Variants in SH3GLB2 observed in about 807,000 individuals in gnomAD.
SH3GLB2 encodes SH3 domain containing GRB2 like, endophilin B2.
SH3GLB2 carries 24 observed loss-of-function variants against 48.0 expected under a neutral mutation model. The observed-to-expected ratio is 0.50, with a 90% CI of 0.36 to 0.70. The LOEUF (loss-of-function observed/expected upper bound fraction) is 0.70. Among genes scored for constraint, SH3GLB2 ranks in the 30% least tolerant of loss-of-function variants. The pLI is 0.00. For missense variants in SH3GLB2, 425 were observed against 516.0 expected (o/e 0.82, Z 1.71); for synonymous variants, 227 against 207.6 (o/e 1.09, Z -0.80).
chr9:129,018,299 T>C (rs554670427), intron 3 of SH3GLB2, among the ~76,000 whole-genome samples: 103 of 152,296 alleles, frequency 6.8e-4, no homozygotes, highest in Middle Eastern at 3.4e-3. Flanking sequence ...TTAAATTGGC[T>C]GGGCGCAGTG....
intron 3 of SH3GLB2, chr9:129,015,793 A>T (rs1364808020): frequency 3.3e-6 from 1 of 300,144 alleles, no homozygotes; most frequent in Admixed American, 3.8e-5. Context: ...TGAACCCAGG[A>T]GTTTGAGGCT....
intron 3 of SH3GLB2, among the ~76,000 whole-genome samples, chr9:129,017,141 G>T (rs1203049761): frequency 1.3e-5 from 2 of 151,832 alleles, no homozygotes; most frequent in African/African-American, 2.4e-5. Context: ...GTAGAGACAG[G>T]ATTTCACCAT....
chr9:129,009,615 T>C, intron 9 of SH3GLB2, 156 bp downstream of exon 9: 1 of 1,431,916 alleles, frequency 7.0e-7, no homozygotes, highest in Non-Finnish European at 9.6e-7. Context: ...CACTCCACCC[T>C]CATACACATG....
intron 1 of SH3GLB2, 106 bp from the exon 2 acceptor site, chr9:129,022,529 G>A (rs1218127240): frequency 1.9e-6 from 2 of 1,038,430 alleles, no homozygotes. Flanking sequence ...CAGGAACCCA[G>A]GCAGGCCCCA....
rs374253235 is a variant in SH3GLB2, at chr9:129,009,147, C to G, written c.1039G>C (p.Glu347Gln). 1 of 1,611,210 alleles carries G rather than the reference C, an allele frequency of 6.2e-7. No individual in the cohort carries two copies. The highest frequency in any genetic ancestry group is 8.5e-7 in the Non-Finnish European group (1 of 1,179,776). ...GCCAGCTCACTGCTGTCGGCTGCCT[C>G]GTAGTCATAGAGCACCCGAGCTTTG... is the stretch of plus-strand genomic sequence containing the variant. Reference protein sequence around the residue: ...TRKARVLYDYEAADSSELALL... With the variant: ...TRKARVLYDYQAADSSELALL... The change falls in exon 10 of 11, where the codon GAG (glutamate) becomes CAG (glutamine). Residue 347 changes from glutamate to glutamine, a missense_variant. Coordinates refer to ENST00000372564, the MANE Select transcript of SH3GLB2 (RefSeq NM_020145.4).
chr9:129,028,009 G>C, intron 1 of SH3GLB2, 83 bp downstream of exon 1: 1 of 1,330,264 alleles, frequency 7.5e-7, no homozygotes, highest in South Asian at 1.4e-5. Flanking sequence ...GGGCTTTCCC[G>C]CGTCCCCAGG....
chr9:129,027,978 G>A, intron 1 of SH3GLB2, 114 bp downstream of exon 1: 2 of 986,734 alleles, frequency 2.0e-6, no homozygotes, highest in Non-Finnish European at 2.8e-6. Flanking sequence ...CCGCGGCGGG[G>A]ACGAGGGCAG....
intron 9 of SH3GLB2, 120 bp downstream of exon 9, chr9:129,009,651 C>T (rs1415995921): frequency 4.4e-6 from 6 of 1,367,570 alleles, no homozygotes; most frequent in Non-Finnish European, 6.0e-6. Flanking sequence ...GAGTGGGTTC[C>T]AGCAGAGCCC....
intron 9 of SH3GLB2, 174 bp from the exon 10 acceptor site, chr9:129,009,520 C>G: frequency 6.5e-7 from 1 of 1,548,238 alleles, no homozygotes; most frequent in Non-Finnish European, 8.7e-7. Context: ...TGGCCCCACC[C>G]CCTGGTCCCT....
At chr9:129,012,694 T>G in intron 5 of SH3GLB2, 1 of 485,472 alleles carries the variant, frequency 2.1e-6, no homozygotes, top group Non-Finnish European at 3.7e-6. Flanking sequence ...GGATGGCTTT[T>G]TCCATCCCAG....
At chr9:129,026,849 G>A (rs1248758589) in intron 1 of SH3GLB2, among the ~76,000 whole-genome samples, 3 of 152,226 alleles carry the variant, frequency 2.0e-5, no homozygotes, top group South Asian at 4.1e-4. Context: ...TAGGGCTGGG[G>A]CTGCCCACCA....
chr9:129,010,739 G>A (rs1264402061), intron 6 of SH3GLB2, 46 bp from the exon 7 acceptor site: 1 of 1,612,216 alleles, frequency 6.2e-7, no homozygotes, highest in Non-Finnish European at 8.5e-7. Context: ...GGGGAGAGGA[G>A]GACAGCTGGA....
chr9:129,007,499 C>T lies in SH3GLB2; in HGVS notation c.*1185G>A, dbSNP rs1043598345. 31 of 152,210 alleles carry T rather than the reference C, an allele frequency of 2.0e-4. No individual in the cohort carries two copies. The highest frequency in any genetic ancestry group is 7.2e-4 in the African/African-American group (30 of 41,538). 9.4% of individuals were successfully genotyped at this position (152,210 alleles called of 1,614,324 possible). A position where few individuals can be genotyped will look rare whatever the true frequency, so the allele number is the denominator to read the frequency against. On this transcript the variant is annotated 3_prime_UTR_variant, in exon 11 of 11. Transcript: ENST00000372564. ...CCTTCTCAGGACTGAAGTCAGAATG[C>T]TAGGTCCTGCTAGGGGCCATCTAAA...
chr9:129,022,024 C>T (rs1268681513), intron 2 of SH3GLB2, among the ~76,000 whole-genome samples: 2 of 151,924 alleles, frequency 1.3e-5, no homozygotes, highest in African/African-American at 4.8e-5. Flanking sequence ...CCTCTTCTCC[C>T]ACGTGTGTTT....
intron 1 of SH3GLB2, among the ~76,000 whole-genome samples, chr9:129,026,243 G>A (rs1844154730): frequency 1.3e-5 from 2 of 152,070 alleles, no homozygotes; most frequent in Non-Finnish European, 2.9e-5. Context: ...GTTGTTTCTT[G>A]TACCTGCAGG....
At position 129,014,612 on chromosome 9, in the gene SH3GLB2, G is replaced by A; in HGVS notation, c.469-109C>T. ...ACGATCAAGTCAAGATAGGGAAACT[G>A]AGGCCCAGAGATAGGAGGTCACTCA... On this transcript the variant is annotated intron_variant, in intron 4 of 10. Coordinates refer to ENST00000372564, the MANE Select transcript of SH3GLB2 (RefSeq NM_020145.4). This position sits in a 1 kb window ranked among gnomAD's most constrained non-coding sequence, Gnocchi z 4.1. The A allele has an allele frequency of 4.7e-6, 7 of 1,488,708 alleles. No individual in the cohort carries two copies. Among genetic ancestry groups the A allele is most frequent in the Non-Finnish European group, 6.5e-6 (7 of 1,082,452 alleles). The allele number at this position is 1,488,708 out of a possible 1,614,324, so 92.2% of individuals were successfully genotyped here. A position where few individuals can be genotyped will look rare whatever the true frequency, so the allele number is the denominator to read the frequency against.
At chr9:129,009,724 A>G (rs1842991608) in intron 9 of SH3GLB2, 47 bp downstream of exon 9, 13 of 1,546,498 alleles carry the variant, frequency 8.4e-6, no homozygotes, top group Non-Finnish European at 1.1e-5. Context: ...CGGACAGGGT[A>G]TGGGAGCCAG....
In SH3GLB2 at chr9:129,028,138, T is replaced by C; in HGVS notation, c.17A>G (p.Lys6Arg). The C allele has an allele frequency of 6.7e-7, 1 of 1,494,640 alleles. No homozygotes were observed. The allele number at this position is 1,494,640 out of a possible 1,614,324, so 92.6% of individuals were successfully genotyped here. Residue 6 changes from lysine to arginine, a missense_variant, in exon 1 of 11, where the codon AAG becomes AGG. By Grantham distance (26) the Lys-to-Arg change is conservative. Coordinates refer to ENST00000372564, the MANE Select transcript of SH3GLB2 (RefSeq NM_020145.4). MDFNM[K>R]KLASDAGIFF... ...GATGCCCGCGTCCGACGCCAGCTTC[T>C]TCATGTTGAAGTCCATGGCGTGCCC...
At chr9:129,010,511 C>T (rs1414154766) in intron 7 of SH3GLB2, 159 bp downstream of exon 7, 2 of 809,738 alleles carry the variant, frequency 2.5e-6, no homozygotes, top group African/African-American at 1.7e-5. Flanking sequence ...AAAACATTTC[C>T]CCACAGAGGG....
Sources: allele counts gnomAD v4.1 joint callset (sites outside exome capture counted in the v4.1 genomes callset), GRCh38; gene constraint gnomAD v4.1.1; non-coding constraint Gnocchi (gnomAD v3.1); transcripts MANE v1.5; gene names NCBI Gene and HGNC (gene_info 2026-07-23, HGNC 2026-07-21).